Variants in RPRD1B observed in about 807,000 individuals in gnomAD.
The protein encoded by RPRD1B is regulation of nuclear pre-mRNA domain containing 1B.
Under a neutral mutation model 41.5 loss-of-function variants are expected in RPRD1B, and 11 were observed. The observed-to-expected ratio is 0.27, with a 90% confidence interval of 0.17 to 0.44. The LOEUF is 0.44. RPRD1B is among the 20% of genes least tolerant of loss of function. The pLI is 1.00. For missense variants in RPRD1B, 248 were observed against 389.9 expected (o/e 0.64, Z 3.06); for synonymous variants, 158 against 155.6 (o/e 1.02, Z -0.12).
rs1270590990 is a variant in RPRD1B, at chr20:38,090,822, T to C, written c.*947T>C. 3.0e-6 allele frequency: 3 copies of C among 985,380 alleles called. No individual in the cohort carries two copies. The highest frequency in any genetic ancestry group is 4.7e-5 in the South Asian group (1 of 21,292). 61.0% of individuals were successfully genotyped at this position (985,380 alleles called of 1,614,324 possible). ...ACACACTAACGTTTAATCCGCTGTC[T>C]GGGTGCATGTCCACAGTACGGTGGC... is the stretch of plus-strand genomic sequence containing the variant. On this transcript the variant is annotated 3_prime_UTR_variant, in exon 7 of 7. Transcript: ENST00000373433.
chr20:38,048,265 T>A, intron 2 of RPRD1B, 83 bp from the exon 3 acceptor site: 1 of 1,362,362 alleles, frequency 7.3e-7, no homozygotes, highest in East Asian at 2.4e-5. Flanking sequence ...AGTTGTTGAT[T>A]TCTTTTTTTT....
intron 5 of RPRD1B, among the ~76,000 whole-genome samples, chr20:38,060,485 A>C (rs530766192): frequency 2.2e-4 from 33 of 152,184 alleles, no homozygotes; most frequent in Non-Finnish European, 3.7e-4. Context: ...GGGCAGTGGG[A>C]GCGGAAAATG....
intron 5 of RPRD1B, among the ~76,000 whole-genome samples, chr20:38,061,213 T>C (rs1264731176): frequency 1.3e-5 from 2 of 152,262 alleles, no homozygotes; most frequent in South Asian, 2.1e-4. Context: ...CATGTTGTTA[T>C]ACAACCAGTT....
At chr20:38,046,185 A>ACAC (rs2074119117) in intron 2 of RPRD1B, among the ~76,000 whole-genome samples, 5 of 152,168 alleles carry the variant, frequency 3.3e-5, no homozygotes, top group Non-Finnish European at 7.4e-5. Context: ...CAGGTAGGGT[A>ACAC]GGGAAAGGAG....
chr20:38,071,479 A>T (rs189971043), intron 6 of RPRD1B, among the ~76,000 whole-genome samples: 5 of 152,334 alleles, frequency 3.3e-5, no homozygotes, highest in Non-Finnish European at 5.9e-5. Context: ...GCTCTTATGA[A>T]TAGTGTTGCT....
At chr20:38,054,864 T>C (rs1231441630) in intron 3 of RPRD1B, among the ~76,000 whole-genome samples, 2 of 152,228 alleles carry the variant, frequency 1.3e-5, no homozygotes, top group East Asian at 3.8e-4. Context: ...TCCTTCCACA[T>C]GACCACTTTG....
chr20:38,085,372 C>T (rs1249156181), intron 6 of RPRD1B: 1 of 152,120 alleles, frequency 6.6e-6, no homozygotes, highest in Non-Finnish European at 1.5e-5. Flanking sequence ...ACATACAGGA[C>T]TAAAGTATAG....
At chr20:38,064,985 CA>C (rs35993264) in intron 5 of RPRD1B, among the ~76,000 whole-genome samples, 7,133 of 109,140 alleles carry the variant, frequency 0.065, 175 homozygotes, top group Middle Eastern at 0.08. Flanking sequence ...GACACCATCT[CA>C]AAAAAAAAAA....
chr20:38,038,485 GTTTTGTTTTTTTT>G (rs2074027250), intron 1 of RPRD1B, among the ~76,000 whole-genome samples: 1 of 83,120 alleles, frequency 1.2e-5, no homozygotes, highest in African/African-American at 5.6e-5. Context: ...GATTTTTTTT[GTTTTGTTTTTTTT>G]TTTTTTTTTT....
rs2122766414 is a variant in RPRD1B, at chr20:38,082,523, A to G, written c.832-7203A>G. The stretch of plus-strand genomic sequence containing the variant: ...TGCCTCAGCCTCCCGAGCAGCTGGG[A>G]CTACAAGGCACCTGCTACCATGCCT... On this transcript the variant is annotated intron_variant, in intron 6 of 6. Coordinates refer to ENST00000373433, the MANE Select transcript of RPRD1B (RefSeq NM_021215.4). 3.9e-5 allele frequency among the ~76,000 whole-genome samples: 6 copies of G among 152,216 alleles called. 1 individual carries two copies. In the South Asian group the frequency reaches 1.2e-3, roughly 32 times the overall value.
chr20:38,086,234 A>G (rs1289206323), intron 6 of RPRD1B, among the ~76,000 whole-genome samples: 2 of 152,194 alleles, frequency 1.3e-5, no homozygotes, highest in Non-Finnish European at 2.9e-5. Flanking sequence ...AGTAGTTACT[A>G]CTTGAGTCTA....
chr20:38,081,037 C>A (rs1326492154), intron 6 of RPRD1B, among the ~76,000 whole-genome samples: 1 of 152,018 alleles, frequency 6.6e-6, no homozygotes, highest in African/African-American at 2.4e-5. Flanking sequence ...ATATTGTTTT[C>A]TCTTTGTTTT....
At chr20:38,082,925 A>T (rs952171005) in intron 6 of RPRD1B, among the ~76,000 whole-genome samples, 1 of 152,250 alleles carries the variant, frequency 6.6e-6, no homozygotes, top group Non-Finnish European at 1.5e-5. Context: ...AACATTGCTT[A>T]AAAGAATTTT....
At chr20:38,051,190 A>G (rs974351922) in intron 3 of RPRD1B, among the ~76,000 whole-genome samples, 1 of 152,246 alleles carries the variant, frequency 6.6e-6, no homozygotes, top group Non-Finnish European at 1.5e-5. Flanking sequence ...GGTGTCTCTC[A>G]AAACATCACA....
intron 3 of RPRD1B, chr20:38,049,613 C>G: frequency 2.4e-6 from 1 of 408,582 alleles, no homozygotes; most frequent in Admixed American, 2.9e-5. Flanking sequence ...CGTGATCCAC[C>G]CGCCTCAGCC....
chr20:38,059,459 A>G lies in RPRD1B; in HGVS notation c.594A>G (p.Arg198=), dbSNP rs2074275130. 6.2e-7 allele frequency: 1 copy of G among 1,614,134 alleles called. No homozygotes were observed. Among genetic ancestry groups the G allele is most frequent in the East Asian group, 2.2e-5 (1 of 44,878 alleles). ...CCGCATCAGGGGATGCTACTGTCCG[A>G]CAGAAAATTGCTTCTCTGCCCCAGG... ...ENAASGDATV[R]QKIASLPQEV... is the part of the protein sequence containing the mutation. Residue 198 remains arginine (R), a synonymous_variant, in exon 5 of 7, where the codon CGA becomes CGG. Transcript: ENST00000373433.
At position 38,091,331 on chromosome 20, in the gene RPRD1B, A is replaced by AGGT. The variant is rs3039289; in HGVS notation, c.*1456_*1457insGGT. On this transcript the variant is annotated 3_prime_UTR_variant, in exon 7 of 7. Coordinates refer to ENST00000373433, the MANE Select transcript of RPRD1B (RefSeq NM_021215.4). ...TTACATGTTAAACACATTGAAACAT[A>AGGT]ACCTATGTTTATAAAGCATAACGGG... 1.0e-6 allele frequency: 1 copy of AGGT among 985,278 alleles called. No individual in the cohort carries two copies. The highest frequency in any genetic ancestry group is 1.2e-6 in the Non-Finnish European group (1 of 829,576). The allele number at this position is 985,278 out of a possible 1,614,324, so 61.0% of individuals were successfully genotyped here. A position where few individuals can be genotyped will look rare whatever the true frequency, so the allele number is the denominator to read the frequency against.
chr20:38,061,095 C>T (rs1244449298), intron 5 of RPRD1B, among the ~76,000 whole-genome samples: 1 of 152,136 alleles, frequency 6.6e-6, no homozygotes, highest in Non-Finnish European at 1.5e-5. Flanking sequence ...ATGTAGCTTC[C>T]TTTTAAAATA....
intron 6 of RPRD1B, among the ~76,000 whole-genome samples, chr20:38,076,587 A>T (rs2074461701): frequency 6.6e-6 from 1 of 152,118 alleles, no homozygotes; most frequent in African/African-American, 2.4e-5. Context: ...TCTGCTTCTC[A>T]GCCTGTTGCA....
Sources: gnomAD v4.1 joint callset for allele counts (sites outside exome capture counted in the v4.1 genomes callset) on GRCh38, gnomAD v4.1.1 for gene constraint, MANE v1.5 for transcripts, NCBI Gene and HGNC (gene_info 2026-07-23, HGNC 2026-07-21) for gene names.